The following OR9Q1 variants were observed in gnomAD, a reference collection of about 807,000 sequenced individuals.
OR9Q1 encodes olfactory receptor family 9 subfamily Q member 1.
For synonymous variants in OR9Q1, 153 were observed against 148.6 expected, an observed-to-expected ratio of 1.03 and a Z score of -0.22; for missense variants, 374 against 378.8, an observed-to-expected ratio of 0.99 and a Z score of 0.11.
intron 2 of OR9Q1, among the ~76,000 whole-genome samples, chr11:58,106,784 G>A (rs542515933): frequency 5.8e-4 from 89 of 152,234 alleles, no homozygotes; most frequent in African/African-American, 2.0e-3. Context: ...CGGCACCTTT[G>A]TCAAAGATCA....
At chr11:58,101,290 C>G (rs1464575835) in intron 2 of OR9Q1, among the ~76,000 whole-genome samples, 3 of 152,040 alleles carry the variant, frequency 2.0e-5, no homozygotes, top group Admixed American at 2.0e-4. Flanking sequence ...CACATCCATG[C>G]CAACATTTAT....
At chr11:58,095,440 T>C (rs1266374369) in intron 2 of OR9Q1, among the ~76,000 whole-genome samples, 1 of 152,246 alleles carries the variant, frequency 6.6e-6, no homozygotes, top group Non-Finnish European at 1.5e-5. Context: ...TTCGTTCTCC[T>C]GTGGCTATGA....
chr11:58,068,395 G>A (rs147826315), intron 2 of OR9Q1, among the ~76,000 whole-genome samples: 300 of 152,006 alleles, frequency 2.0e-3, no homozygotes, highest in Non-Finnish European at 3.5e-3. Context: ...CCAATGCCAT[G>A]GTTTCCATGC....
intron 2 of OR9Q1, among the ~76,000 whole-genome samples, chr11:58,121,095 A>G (rs930126335): frequency 2.0e-5 from 3 of 152,188 alleles, no homozygotes. Flanking sequence ...TTGGATACAC[A>G]GAAAAGGAAA....
chr11:58,096,126 TTC>T (rs143994215), intron 2 of OR9Q1, among the ~76,000 whole-genome samples: 5 of 150,828 alleles, frequency 3.3e-5, no homozygotes, highest in Admixed American at 6.6e-5. Context: ...CTCCCTCATT[TTC>T]TCTCTCTCTC....
chr11:58,128,254 T>TAAA (rs56238213), intron 2 of OR9Q1, among the ~76,000 whole-genome samples: 105 of 126,216 alleles, frequency 8.3e-4, no homozygotes, highest in Non-Finnish European at 5.1e-4. Context: ...CAAGAAAAAC[T>TAAA]AAAAAAAAAA....
chr11:58,024,537 G>A (rs973242281), intron 1 of OR9Q1, among the ~76,000 whole-genome samples: 2 of 152,128 alleles, frequency 1.3e-5, no homozygotes, highest in African/African-American at 2.4e-5. Flanking sequence ...TTCAATTTTC[G>A]TGCATGGGCC....
chr11:58,042,412 C>T (rs959456104), intron 1 of OR9Q1, among the ~76,000 whole-genome samples: 4 of 151,890 alleles, frequency 2.6e-5, no homozygotes, highest in African/African-American at 9.7e-5. Context: ...AATCCTTTCC[C>T]CATTGCTTGT....
intron 2 of OR9Q1, among the ~76,000 whole-genome samples, chr11:58,094,582 C>A (rs1471177739): frequency 6.6e-6 from 1 of 152,048 alleles, no homozygotes; most frequent in Admixed American, 6.6e-5. Context: ...GAATTGAATG[C>A]AAAAATCAAA....
At chr11:58,147,311 A>C (rs903272025) in intron 2 of OR9Q1, among the ~76,000 whole-genome samples, 3 of 152,174 alleles carry the variant, frequency 2.0e-5, no homozygotes, top group African/African-American at 7.2e-5. Context: ...GGTATACACT[A>C]TCTGTCCCTT....
chr11:58,082,686 T>C (rs1853599259), intron 2 of OR9Q1, among the ~76,000 whole-genome samples: 1 of 143,162 alleles, frequency 7.0e-6, no homozygotes, highest in African/African-American at 2.5e-5. Flanking sequence ...GCATGGCACA[T>C]GTATGCATAT....
intron 2 of OR9Q1, among the ~76,000 whole-genome samples, chr11:58,140,797 A>C (rs934209013): frequency 2.6e-5 from 4 of 152,294 alleles, no homozygotes; most frequent in South Asian, 2.1e-4. Flanking sequence ...TATGAACTTT[A>C]AAGTAGTTTT....
intron 2 of OR9Q1, among the ~76,000 whole-genome samples, chr11:58,096,941 T>A (rs1853738050): frequency 6.6e-6 from 1 of 152,104 alleles, no homozygotes; most frequent in South Asian, 2.1e-4. Context: ...TGACCTCAAG[T>A]GATCCATCTG....
chr11:58,063,392 G>A (rs760903524), intron 2 of OR9Q1, among the ~76,000 whole-genome samples: 9 of 151,970 alleles, frequency 5.9e-5, no homozygotes, highest in South Asian at 2.1e-4. Context: ...TATAAGCCAG[G>A]CATTTTTCTA....
At chr11:58,117,938 A>T (rs1395869088) in intron 2 of OR9Q1, 1 of 152,326 alleles carries the variant, frequency 6.6e-6, no homozygotes, top group African/African-American at 2.4e-5. Flanking sequence ...CGGGTGACAC[A>T]AGTCTCTTCT....
chr11:58,166,715 T>C (rs1187569787), intron 2 of OR9Q1, among the ~76,000 whole-genome samples: 1 of 152,154 alleles, frequency 6.6e-6, no homozygotes, highest in Non-Finnish European at 1.5e-5. Context: ...CATAGTTTGG[T>C]TCACTGTGGA....
intron 2 of OR9Q1, among the ~76,000 whole-genome samples, chr11:58,145,901 A>G (rs1854295278): frequency 6.6e-6 from 1 of 152,104 alleles, no homozygotes; most frequent in Non-Finnish European, 1.5e-5. Flanking sequence ...ATCAGCTTTG[A>G]TGAAAGAAAA....
At chr11:58,113,802 A>C (rs1853924814) in intron 2 of OR9Q1, among the ~76,000 whole-genome samples, 1 of 152,244 alleles carries the variant, frequency 6.6e-6, no homozygotes, top group Admixed American at 6.5e-5. Context: ...CTAAAAGGTC[A>C]CACAGATAAT....
intron 2 of OR9Q1, among the ~76,000 whole-genome samples, chr11:58,106,215 T>A (rs892525731): frequency 6.6e-6 from 1 of 151,762 alleles, no homozygotes; most frequent in Non-Finnish European, 1.5e-5. Context: ...TATCTCATTG[T>A]AGTTTTGATT....
Sources: allele counts gnomAD v4.1 joint callset (sites outside exome capture counted in the v4.1 genomes callset), GRCh38; gene constraint gnomAD v4.1.1; transcripts MANE v1.5; gene names NCBI Gene and HGNC (gene_info 2026-07-23, HGNC 2026-07-21).